The following RFX8 variants were observed in gnomAD, a reference collection of about 807,000 sequenced individuals.
RFX8 encodes regulatory factor X8.
In RFX8, 46 loss-of-function variants were observed where a neutral mutation model predicts 54.6. That is an observed-to-expected ratio of 0.84 (90% CI 0.67 to 1.08). The LOEUF (loss-of-function observed/expected upper bound fraction) is 1.08, where lower values mean the gene tolerates loss of function less well. Ranked by LOEUF, RFX8 falls within the 50% of genes least tolerant of loss-of-function variation. The pLI is 0.00. For synonymous variants in RFX8, 192 were observed against 209.5 expected, an observed-to-expected ratio of 0.92 and a Z score of 0.72; for missense variants, 536 against 562.3, an observed-to-expected ratio of 0.95 and a Z score of 0.47.
At chr2:101,430,968 A>T (rs1352206376) in intron 2 of RFX8, among the ~76,000 whole-genome samples, 3 of 152,224 alleles carry the variant, frequency 2.0e-5, no homozygotes, top group African/African-American at 7.2e-5. Context: ...ATTAGTTGTG[A>T]GACTTTCTTC....
In RFX8 at chr2:101,414,993, T is replaced by C. The variant is rs1686409272; in HGVS notation, c.503-81A>G. On this transcript the variant is annotated intron_variant, in intron 6 of 11. Coordinates refer to ENST00000428343, the MANE Select transcript of RFX8 (RefSeq NM_001145664.2). ...GCAGTGGGGAAGAGAAGGTGCATGT[T>C]TGGGGTAGGAAGGCACAGCTGGCTA... 10 of 1,136,832 alleles carry C rather than the reference T, an allele frequency of 8.8e-6. No homozygotes were observed. The Admixed American group carries it at 1.4e-4, about 16-fold the overall frequency. The allele number at this position is 1,136,832 out of a possible 1,614,324, so 70.4% of individuals were successfully genotyped here. A position where few individuals can be genotyped will look rare whatever the true frequency, so the allele number is the denominator to read the frequency against.
At chr2:101,429,065 G>A in intron 2 of RFX8, 1 of 1,202,356 alleles carries the variant, frequency 8.3e-7, no homozygotes, top group South Asian at 1.3e-5. Context: ...CAAGACACCT[G>A]TCTCTGAGCA....
intron 11 of RFX8, among the ~76,000 whole-genome samples, chr2:101,398,450 G>C (rs909221149): frequency 6.6e-6 from 1 of 152,126 alleles, no homozygotes; most frequent in African/African-American, 2.4e-5. Context: ...TCTCCAGACG[G>C]GTACTAATCC....
intron 1 of RFX8, among the ~76,000 whole-genome samples, chr2:101,472,597 G>T (rs556998970): frequency 7.4e-4 from 112 of 152,288 alleles, no homozygotes; most frequent in Non-Finnish European, 1.1e-3. Flanking sequence ...TACACCAGGG[G>T]TGTCCAATCT....
At chr2:101,425,647 G>A (rs1687128404) in intron 2 of RFX8, among the ~76,000 whole-genome samples, 1 of 152,100 alleles carries the variant, frequency 6.6e-6, no homozygotes. Context: ...AATCCCTGAG[G>A]TCTCTTCCTC....
intron 1 of RFX8, among the ~76,000 whole-genome samples, chr2:101,472,605 T>A (rs1285086576): frequency 6.6e-6 from 1 of 152,238 alleles, no homozygotes; most frequent in African/African-American, 2.4e-5. Flanking sequence ...GGGTGTCCAA[T>A]CTTTTCTTCC....
At chr2:101,434,266 A>G (rs6543052) in intron 2 of RFX8, among the ~76,000 whole-genome samples, 111,783 of 152,164 alleles carry the variant, frequency 0.73, 42,518 homozygotes, top group Middle Eastern at 0.88. Flanking sequence ...AAAGTAAGAT[A>G]TCAATTTTTT....
intron 2 of RFX8, among the ~76,000 whole-genome samples, chr2:101,446,669 C>T (rs756141973): frequency 1.3e-5 from 2 of 152,062 alleles, no homozygotes; most frequent in South Asian, 2.1e-4. Flanking sequence ...TCTGTGACAT[C>T]GGAAACAAAC....
At chr2:101,463,345 C>T (rs1361263538) in intron 2 of RFX8, among the ~76,000 whole-genome samples, 1 of 152,130 alleles carries the variant, frequency 6.6e-6, no homozygotes, top group East Asian at 1.9e-4. Context: ...GGGGTGTGGG[C>T]CCCCTCAGGC....
intron 2 of RFX8, among the ~76,000 whole-genome samples, chr2:101,462,546 GC>G (rs1689339991): frequency 6.6e-6 from 1 of 152,110 alleles, no homozygotes; most frequent in African/African-American, 2.4e-5. Flanking sequence ...GATATTTGAG[GC>G]AAAAAGAATG....
At chr2:101,410,182 CTG>C (rs1249320951) in intron 9 of RFX8, among the ~76,000 whole-genome samples, 2 of 151,974 alleles carry the variant, frequency 1.3e-5, no homozygotes, top group African/African-American at 4.8e-5. Flanking sequence ...CTCACACACA[CTG>C]TCACACACAT....
intron 1 of RFX8, among the ~76,000 whole-genome samples, chr2:101,470,431 G>A (rs1410837758): frequency 6.6e-6 from 1 of 152,156 alleles, no homozygotes; most frequent in African/African-American, 2.4e-5. Flanking sequence ...GCCGGCAGGT[G>A]ACATTGGTTA....
chr2:101,409,006 T>C (rs1322933014), intron 9 of RFX8, among the ~76,000 whole-genome samples: 1 of 152,150 alleles, frequency 6.6e-6, no homozygotes, highest in African/African-American at 2.4e-5. Context: ...TCTCCACCAG[T>C]GTGGACTGCT....
At chr2:101,465,743 T>C (rs928774516) in intron 2 of RFX8, among the ~76,000 whole-genome samples, 10 of 152,230 alleles carry the variant, frequency 6.6e-5, no homozygotes, top group Admixed American at 6.5e-5. Context: ...CTTAAGGTTG[T>C]TTCTGTTGAC....
chr2:101,451,386 C>T (rs186632414), intron 2 of RFX8, among the ~76,000 whole-genome samples: 6 of 152,214 alleles, frequency 3.9e-5, no homozygotes, highest in African/African-American at 1.4e-4. Context: ...TTTCTTTTCA[C>T]GTTAGAAATA....
At chr2:101,412,892 G>C in intron 8 of RFX8, 23 bp downstream of exon 8, 5 of 1,540,410 alleles carry the variant, frequency 3.2e-6, no homozygotes, top group Non-Finnish European at 4.4e-6. Flanking sequence ...CGCCAATAAA[G>C]CAAGCTGCAG....
At chr2:101,431,933 G>C (rs1394315866) in intron 2 of RFX8, among the ~76,000 whole-genome samples, 5 of 152,282 alleles carry the variant, frequency 3.3e-5, no homozygotes, top group Middle Eastern at 3.4e-3. Flanking sequence ...CCTGTGTATA[G>C]CAGGAATCCT....
intron 2 of RFX8, among the ~76,000 whole-genome samples, chr2:101,464,883 C>T (rs979303229): frequency 6.6e-6 from 1 of 151,990 alleles, no homozygotes; most frequent in African/African-American, 2.4e-5. Context: ...AGGTAGGCAT[C>T]CCATGGAGCT....
intron 2 of RFX8, among the ~76,000 whole-genome samples, chr2:101,456,562 C>T (rs940657243): frequency 1.3e-5 from 2 of 152,056 alleles, no homozygotes; most frequent in Admixed American, 6.5e-5. Flanking sequence ...GGGATGAAGC[C>T]GACTTGATCA....
Sources: gnomAD v4.1 joint callset for allele counts (sites outside exome capture counted in the v4.1 genomes callset) on GRCh38, gnomAD v4.1.1 for gene constraint, MANE v1.5 for transcripts, NCBI Gene and HGNC (gene_info 2026-07-23, HGNC 2026-07-21) for gene names.